The following FAM184A variants were observed in gnomAD, a reference collection of about 807,000 sequenced individuals.
The protein encoded by FAM184A is family with sequence similarity 184 member A.
FAM184A carries 99 observed loss-of-function variants against 143.8 expected under a neutral mutation model. The ratio of observed to expected loss-of-function variants is 0.69; its 90% confidence interval spans 0.58 to 0.81. FAM184A has a LOEUF of 0.81. Among genes scored for constraint, FAM184A ranks in the 40% least tolerant of loss-of-function variants. FAM184A has a pLI of 0.00. For missense variants in FAM184A, 1,217 were observed against 1,310.5 expected, an observed-to-expected ratio of 0.93 and a Z score of 1.10; for synonymous variants, 427 against 446.4, an observed-to-expected ratio of 0.96 and a Z score of 0.55.
At chr6:119,003,467 C>T in intron 8 of FAM184A, 34 bp downstream of exon 8, 1 of 1,590,236 alleles carries the variant, frequency 6.3e-7, no homozygotes, top group Non-Finnish European at 8.6e-7. Flanking sequence ...TCTTGCATGT[C>T]TTTATTGATA....
At chr6:119,147,064 GTTT>G (rs1202971153) in intron 1 of FAM184A, among the ~76,000 whole-genome samples, 1 of 116,378 alleles carries the variant, frequency 8.6e-6, no homozygotes, top group Non-Finnish European at 1.8e-5. Context: ...GGCAGGCTCT[GTTT>G]TTTTTTTTTT....
At position 118,974,476 on chromosome 6, in the gene FAM184A, T is replaced by C. The variant is rs953537243; in HGVS notation, c.2867A>G (p.Asn956Ser). The C allele has an allele frequency of 1.5e-5, 25 of 1,612,958 alleles. No individual in the cohort carries two copies. The highest frequency in any genetic ancestry group is 2.0e-5 in the Non-Finnish European group (24 of 1,179,330). Reference sequence around the variant, plus strand: ...TTCCTTGAGTAGCTCGTTAGTCTTATTAAAATCTGCCCGCATGATATTTTT... The same window carrying C: ...TTCCTTGAGTAGCTCGTTAGTCTTACTAAAATCTGCCCGCATGATATTTTT... ...REKNIMRADF[N>S]KTNELLKEIN... The change falls in exon 14 of 18, where the codon AAT becomes AGT. Residue 956 changes from asparagine (N) to serine (S), a missense_variant. By Grantham distance (46) the Asn-to-Ser change is conservative. Transcript: ENST00000338891.
chr6:119,056,398 T>C (rs1462753320), intron 1 of FAM184A, among the ~76,000 whole-genome samples: 1 of 152,142 alleles, frequency 6.6e-6, no homozygotes, highest in Non-Finnish European at 1.5e-5. Context: ...ATGACAGTCA[T>C]AAAAGATGAA....
At chr6:118,995,259 A>T (rs1050451024) in intron 9 of FAM184A, among the ~76,000 whole-genome samples, 12 of 152,060 alleles carry the variant, frequency 7.9e-5, no homozygotes, top group African/African-American at 2.9e-4. Context: ...TCTACAAAAA[A>T]TGCAAAAATT....
rs115039347 is a variant in FAM184A at position 119,065,095 on chromosome 6, A to G, written c.159+13046T>C. Among the ~76,000 whole-genome samples, 798 of 152,322 alleles carry G rather than the reference A, an allele frequency of 5.2e-3. 10 individuals are homozygous for G. Among genetic ancestry groups the G allele is most frequent in the African/African-American group, 0.018 (768 of 41,584 alleles). On this transcript the variant is annotated intron_variant, in intron 1 of 17. Transcript: ENST00000338891. The stretch of plus-strand genomic sequence containing the variant: ...CTAGTGATCTCTATCTCCTAGTATC[A>G]GAATCTTTCTGTAGTTATTTCCTAC...
chr6:119,112,215 TC>T (rs1164143186), intron 1 of FAM184A, among the ~76,000 whole-genome samples: 1 of 151,842 alleles, frequency 6.6e-6, no homozygotes, highest in Non-Finnish European at 1.5e-5. Context: ...CATCACAACC[TC>T]CGCCTCCCGG....
chr6:119,012,244 T>C (rs1165839195), intron 5 of FAM184A, among the ~76,000 whole-genome samples: 2 of 152,158 alleles, frequency 1.3e-5, no homozygotes, highest in African/African-American at 2.4e-5. Flanking sequence ...AGTTCAATAT[T>C]TCTGTAGTGT....
chr6:119,086,642 C>G (rs1304593807), intron 1 of FAM184A, among the ~76,000 whole-genome samples: 4 of 152,132 alleles, frequency 2.6e-5, no homozygotes, highest in Non-Finnish European at 5.9e-5. Flanking sequence ...TGAGGTGGAA[C>G]AGGTATCAAG....
chr6:118,973,288 C>T (rs1394018506), intron 14 of FAM184A, among the ~76,000 whole-genome samples: 1 of 152,038 alleles, frequency 6.6e-6, no homozygotes, highest in East Asian at 1.9e-4. Context: ...ATGTATGTAA[C>T]AATCTTTACC....
chr6:118,966,790 T>A (rs961847860), intron 15 of FAM184A, 45 bp downstream of exon 15: 2 of 864,256 alleles, frequency 2.3e-6, no homozygotes, highest in Non-Finnish European at 3.7e-6. Flanking sequence ...CCAATCAATA[T>A]CTATTGATTA....
intron 1 of FAM184A, among the ~76,000 whole-genome samples, chr6:119,109,309 T>C (rs988519001): frequency 2.6e-5 from 4 of 152,212 alleles, no homozygotes; most frequent in African/African-American, 9.7e-5. Context: ...CTGTTTAAAG[T>C]ACACAGAAGA....
At chr6:118,967,005 G>C (rs752608525) in intron 14 of FAM184A, 53 bp from the exon 15 acceptor site, 1 of 819,574 alleles carries the variant, frequency 1.2e-6, no homozygotes, top group Admixed American at 2.5e-5. Flanking sequence ...ACATTCTTCT[G>C]TAATACCTAC....
intron 14 of FAM184A, among the ~76,000 whole-genome samples, chr6:118,971,864 A>G (rs1783706581): frequency 6.9e-6 from 1 of 144,120 alleles, no homozygotes; most frequent in South Asian, 2.1e-4. Flanking sequence ...CAGGAGCAGA[A>G]GCAAGAAGCT....
At chr6:118,988,275 A>G (rs1235208709) in intron 9 of FAM184A, among the ~76,000 whole-genome samples, 2 of 152,244 alleles carry the variant, frequency 1.3e-5, no homozygotes, top group African/African-American at 4.8e-5. Flanking sequence ...CAAACTAAAC[A>G]AAAAGAAATT....
intron 1 of FAM184A, among the ~76,000 whole-genome samples, chr6:119,062,840 C>G (rs866080737): frequency 6.6e-6 from 1 of 152,094 alleles, no homozygotes; most frequent in Admixed American, 6.5e-5. Context: ...TATTTTCTGT[C>G]TTATACATCT....
At chr6:119,102,617 G>A (rs778157483) in intron 1 of FAM184A, among the ~76,000 whole-genome samples, 3 of 151,300 alleles carry the variant, frequency 2.0e-5, no homozygotes, top group Non-Finnish European at 1.5e-5. Flanking sequence ...GTGAAGCCCC[G>A]TCTCTACTAA....
chr6:119,006,145 C>T (rs755224964), intron 7 of FAM184A: 4 of 765,094 alleles, frequency 5.2e-6, no homozygotes, highest in Middle Eastern at 4.5e-4. Flanking sequence ...ATTATGTTGC[C>T]GAATGCCAAG....
At chr6:119,064,564 G>A (rs1401955140) in intron 1 of FAM184A, among the ~76,000 whole-genome samples, 3 of 152,016 alleles carry the variant, frequency 2.0e-5, no homozygotes, top group African/African-American at 7.3e-5. Flanking sequence ...AAATTAGCTG[G>A]GCATAGTGGC....
intron 9 of FAM184A, among the ~76,000 whole-genome samples, chr6:118,983,547 C>T (rs1784080799): frequency 6.6e-6 from 1 of 151,990 alleles, no homozygotes; most frequent in Admixed American, 6.6e-5. Context: ...AGTTTCTATA[C>T]ATTCGTTAAA....
Sources: gnomAD v4.1 joint callset for allele counts (sites outside exome capture counted in the v4.1 genomes callset) on GRCh38, gnomAD v4.1.1 for gene constraint, MANE v1.5 for transcripts, NCBI Gene and HGNC (gene_info 2026-07-23, HGNC 2026-07-21) for gene names.